CRYBG1: variants seen among roughly 807,000 people sequenced by gnomAD.
The protein encoded by CRYBG1 is beta/gamma crystallin domain-containing protein 1.
Under a neutral mutation model 189.2 loss-of-function variants are expected in CRYBG1, and 139 were observed. The observed-to-expected ratio is 0.73, with a 90% CI of 0.64 to 0.85. CRYBG1 has a LOEUF of 0.85. Ranked by LOEUF, CRYBG1 falls within the 40% of genes least tolerant of loss-of-function variation. The pLI is 0.00. For missense variants in CRYBG1, 2,611 were observed against 2,675.8 expected, an observed-to-expected ratio of 0.98 and a Z score of 0.53; for synonymous variants, 1,023 against 1,017.1, an observed-to-expected ratio of 1.01 and a Z score of -0.11.
chr6:106,545,069 TA>T, intron 13 of CRYBG1, 136 bp downstream of exon 13: 6 of 708,178 alleles, frequency 8.5e-6, no homozygotes, highest in Non-Finnish European at 1.1e-5. Context: ...AGTCATTTAA[TA>T]GTTGCTGTCA....
At position 106,544,550 on chromosome 6, in the gene CRYBG1, C is replaced by T. The variant is rs369307744; in HGVS notation, c.5040-21C>T. On this transcript the variant is annotated intron_variant, in intron 11 of 21. Coordinates refer to ENST00000633556, the MANE Select transcript of CRYBG1 (RefSeq NM_001371242.2). ...TTAACATGTCTGGAAATGACTACTCCTCGTGTTCTTTATGTTGCAGTTGGG... is the reference window on the plus strand; with the variant it reads ...TTAACATGTCTGGAAATGACTACTCTTCGTGTTCTTTATGTTGCAGTTGGG... The T allele has an allele frequency of 1.4e-5, 22 of 1,610,238 alleles. No individual in the cohort carries two copies. In the African/African-American group the frequency reaches 2.5e-4, roughly 19 times the overall value.
chr6:106,439,125 A>G lies in CRYBG1; in HGVS notation c.174-12569A>G, dbSNP rs953263826. On this transcript the variant is annotated intron_variant, in intron 1 of 21. Transcript: ENST00000633556. ...AAAACCTAAGATTTTCTTCTTTTAA[A>G]GAAAAAAACGGATGACAGATTGGGA... Among the ~76,000 whole-genome samples the G allele has an allele frequency of 3.3e-5, 5 of 151,960 alleles. No individual in the cohort carries two copies. The South Asian group carries it at 1.0e-3, about 31-fold the overall frequency.
intron 1 of CRYBG1, among the ~76,000 whole-genome samples, chr6:106,369,481 A>C (rs1047579498): frequency 6.6e-6 from 1 of 152,236 alleles, no homozygotes; most frequent in African/African-American, 2.4e-5. Context: ...CTCAAATATG[A>C]GATTTGGCCA....
intron 1 of CRYBG1, among the ~76,000 whole-genome samples, chr6:106,411,798 A>G (rs1235667994): frequency 3.3e-5 from 5 of 152,136 alleles, no homozygotes; most frequent in Admixed American, 6.6e-5. Context: ...AGCCCCTGGG[A>G]GGCCGCTGAT....
intron 1 of CRYBG1, among the ~76,000 whole-genome samples, chr6:106,434,628 G>C (rs1304037385): frequency 6.6e-6 from 1 of 152,172 alleles, no homozygotes; most frequent in African/African-American, 2.4e-5. Flanking sequence ...AAGTATTTTA[G>C]GCACTGTCAG....
chr6:106,494,328 G>C (rs1469256420), intron 2 of CRYBG1, among the ~76,000 whole-genome samples: 1 of 152,146 alleles, frequency 6.6e-6, no homozygotes, highest in Non-Finnish European at 1.5e-5. Flanking sequence ...TGTACATATA[G>C]TTAACACTAT....
At chr6:106,476,884 C>T (rs1264620422) in intron 2 of CRYBG1, among the ~76,000 whole-genome samples, 1 of 152,186 alleles carries the variant, frequency 6.6e-6, no homozygotes, top group South Asian at 2.1e-4. Flanking sequence ...AGCACTGCCA[C>T]TTGATAGCTG....
chr6:106,444,046 T>A (rs1771614481), intron 1 of CRYBG1, among the ~76,000 whole-genome samples: 1 of 152,216 alleles, frequency 6.6e-6, no homozygotes, highest in Non-Finnish European at 1.5e-5. Context: ...CATGGTAATA[T>A]CACCAGAAGC....
chr6:106,397,615 A>G (rs1186164055), intron 1 of CRYBG1, among the ~76,000 whole-genome samples: 1 of 152,174 alleles, frequency 6.6e-6, no homozygotes, highest in African/African-American at 2.4e-5. Context: ...ACCAAGGAAC[A>G]CAGAGTTCAG....
intron 2 of CRYBG1, among the ~76,000 whole-genome samples, chr6:106,479,634 T>G (rs1287253225): frequency 6.6e-6 from 1 of 152,256 alleles, no homozygotes; most frequent in African/African-American, 2.4e-5. Context: ...TGTGAAATAG[T>G]ATCTCATTGT....
At chr6:106,421,371 G>C (rs769526195) in intron 1 of CRYBG1, among the ~76,000 whole-genome samples, 1 of 152,192 alleles carries the variant, frequency 6.6e-6, no homozygotes, top group Non-Finnish European at 1.5e-5. Flanking sequence ...CATTACCCTT[G>C]CCATGCCCTT....
At chr6:106,411,123 G>C (rs1372868551) in intron 1 of CRYBG1, among the ~76,000 whole-genome samples, 1 of 152,130 alleles carries the variant, frequency 6.6e-6, no homozygotes, top group African/African-American at 2.4e-5. Context: ...ATAAAGTGTG[G>C]TTAATAAGTA....
At chr6:106,559,501 G>A (rs1239504571) in intron 18 of CRYBG1, among the ~76,000 whole-genome samples, 3 of 151,988 alleles carry the variant, frequency 2.0e-5, no homozygotes, top group Non-Finnish European at 4.4e-5. Context: ...TAATCAGGCC[G>A]GGCTGGGTGC....
In CRYBG1 at chr6:106,403,526, T is replaced by A. The variant is rs192165872; in HGVS notation, c.173+42445T>A. 3.5e-3 allele frequency among the ~76,000 whole-genome samples: 528 copies of A among 152,362 alleles called. 6 individuals are homozygous for A. Among genetic ancestry groups the A allele is most frequent in the Middle Eastern group, 0.02 (6 of 294 alleles). Reference sequence around the variant, plus strand: ...CTAAGCAAGGGAATGGCAATTGGATTTGTTCTACAGTGCGGAGCACCACTT... The same window carrying A: ...CTAAGCAAGGGAATGGCAATTGGATATGTTCTACAGTGCGGAGCACCACTT... On this transcript the variant is annotated intron_variant, in intron 1 of 21. Transcript: ENST00000633556.
At chr6:106,497,456 C>T (rs1772876921) in intron 2 of CRYBG1, among the ~76,000 whole-genome samples, 2 of 152,200 alleles carry the variant, frequency 1.3e-5, no homozygotes, top group African/African-American at 2.4e-5. Context: ...CTGTCTTTTA[C>T]ACCTGTCGGC....
chr6:106,524,194 TTTTA>T (rs1288369718), intron 4 of CRYBG1, among the ~76,000 whole-genome samples: 1 of 152,202 alleles, frequency 6.6e-6, no homozygotes, highest in African/African-American at 2.4e-5. Flanking sequence ...GCATTTCTGG[TTTTA>T]CTGGTCTTGT....
chr6:106,417,382 GTA>G (rs1308054630), intron 1 of CRYBG1, among the ~76,000 whole-genome samples: 2 of 152,030 alleles, frequency 1.3e-5, no homozygotes, highest in Admixed American at 6.6e-5. Flanking sequence ...GGTGAAGGCT[GTA>G]TTACATTTGC....
At chr6:106,529,250 A>T (rs1773821548) in intron 7 of CRYBG1, among the ~76,000 whole-genome samples, 1 of 152,012 alleles carries the variant, frequency 6.6e-6, no homozygotes, top group Non-Finnish European at 1.5e-5. Context: ...CCGGCCAGTA[A>T]TTTATAATTT....
At chr6:106,402,927 T>C (rs1377531582) in intron 1 of CRYBG1, among the ~76,000 whole-genome samples, 1 of 152,186 alleles carries the variant, frequency 6.6e-6, no homozygotes, top group African/African-American at 2.4e-5. Context: ...AGGACTGAAA[T>C]GTAAGCTCTG....
Sources: allele counts gnomAD v4.1 joint callset (sites outside exome capture counted in the v4.1 genomes callset), GRCh38; gene constraint gnomAD v4.1.1; transcripts MANE v1.5; gene names NCBI Gene and HGNC (gene_info 2026-07-23, HGNC 2026-07-21).